NBAS: variants seen among roughly 807,000 people sequenced by gnomAD.
NBAS encodes the protein NBAS subunit of NRZ tethering complex, also known as NAG/BC035112 fusion.
In NBAS, 219 loss-of-function variants were observed where a neutral mutation model predicts 302.5. That is an observed-to-expected ratio of 0.72 (90% CI 0.65 to 0.81). The LOEUF (loss-of-function observed/expected upper bound fraction) is 0.81, where lower values mean the gene tolerates loss of function less well. Ranked by LOEUF, NBAS falls within the 30% of genes least tolerant of loss-of-function variation. NBAS has a pLI of 0.00. For synonymous variants in NBAS, 1,118 were observed against 1,021.6 expected (o/e 1.09, Z -1.80); for missense variants, 2,932 against 2,841.6 (o/e 1.03, Z -0.72).
the NBAS span, among the ~76,000 whole-genome samples, chr2:15,072,960 C>G: frequency 6.6e-6 from 1 of 151,958 alleles, no homozygotes; most frequent in African/African-American, 2.4e-5. Flanking sequence ...GAAACCCTGT[C>G]TCTACAAAAA....
chr2:14,801,963 T>A, the NBAS span, among the ~76,000 whole-genome samples: 6 of 145,528 alleles, frequency 4.1e-5, no homozygotes, highest in African/African-American at 1.5e-4. Context: ...TTTCTCCCAT[T>A]TTGTAGGTTG....
At chr2:15,560,246 A>T (rs960845731) in intron 1 of NBAS, among the ~76,000 whole-genome samples, 2 of 152,130 alleles carry the variant, frequency 1.3e-5, no homozygotes, top group African/African-American at 4.8e-5. Flanking sequence ...TGGATCCAAA[A>T]AATAATAATA....
chr2:15,209,699 AATC>A (rs1666317625), intron 48 of NBAS, among the ~76,000 whole-genome samples: 1 of 152,146 alleles, frequency 6.6e-6, no homozygotes, highest in African/African-American at 2.4e-5. Context: ...AAACTGGAGG[AATC>A]ATATTACCTG....
intron 35 of NBAS, among the ~76,000 whole-genome samples, chr2:15,349,688 T>C (rs1267623591): frequency 6.6e-6 from 1 of 152,152 alleles, no homozygotes; most frequent in East Asian, 1.9e-4. Context: ...ATGCAGTGGT[T>C]CACGCCTGTA....
the NBAS span, among the ~76,000 whole-genome samples, chr2:14,894,924 G>T: frequency 1.3e-5 from 2 of 152,100 alleles, no homozygotes; most frequent in Non-Finnish European, 2.9e-5. Context: ...TGGGCGTGGT[G>T]AAGCGCCTAT....
intron 10 of NBAS, among the ~76,000 whole-genome samples, chr2:15,509,456 G>T (rs1420067963): frequency 6.6e-6 from 1 of 152,112 alleles, no homozygotes. Context: ...ATACAAACTG[G>T]TTTAATGTCT....
chr2:15,478,692 T>C (rs1461410702), intron 12 of NBAS, among the ~76,000 whole-genome samples: 1 of 152,204 alleles, frequency 6.6e-6, no homozygotes, highest in Non-Finnish European at 1.5e-5. Context: ...TTTCAAAGCT[T>C]TGAGACTTGA....
At chr2:15,556,217 C>T (rs1023410693) in intron 3 of NBAS, among the ~76,000 whole-genome samples, 32 of 152,224 alleles carry the variant, frequency 2.1e-4, no homozygotes, top group Non-Finnish European at 1.5e-4. Context: ...ATATCCTCAA[C>T]GAAGAAGCAA....
chr2:15,254,905 T>G (rs552139607), intron 44 of NBAS, among the ~76,000 whole-genome samples: 221 of 140,482 alleles, frequency 1.6e-3, no homozygotes, highest in African/African-American at 2.7e-3. Flanking sequence ...TTCCATGGGG[T>G]GTGTGTGTGT....
intron 6 of NBAS, among the ~76,000 whole-genome samples, chr2:15,543,272 C>T (rs528655733): frequency 1.9e-4 from 29 of 152,184 alleles, no homozygotes; most frequent in Non-Finnish European, 3.4e-4. Flanking sequence ...ATTTTCTCTG[C>T]CTGGAACATT....
chr2:15,460,000 C>T (rs756038409), intron 21 of NBAS, among the ~76,000 whole-genome samples: 1 of 90,926 alleles, frequency 1.1e-5, no homozygotes. Flanking sequence ...TATTTGAAGA[C>T]CAGAAATAAG....
intron 49 of NBAS, among the ~76,000 whole-genome samples, chr2:15,187,753 GCA>G (rs770855829): frequency 6.6e-6 from 1 of 152,118 alleles, no homozygotes; most frequent in Non-Finnish European, 1.5e-5. Flanking sequence ...CATTAGCACA[GCA>G]CTACATTCTA....
chr2:14,874,463 T>TAAA, the NBAS span, among the ~76,000 whole-genome samples: 16 of 129,646 alleles, frequency 1.2e-4, 1 homozygote, highest in East Asian at 2.5e-3. Flanking sequence ...CGTCTCTACT[T>TAAA]AAAAAAAAAA....
the NBAS span, among the ~76,000 whole-genome samples, chr2:14,908,294 C>A: frequency 6.6e-6 from 1 of 152,148 alleles, no homozygotes; most frequent in East Asian, 1.9e-4. Flanking sequence ...ACCCGGGAGG[C>A]GGAGCTTGCA....
At chr2:15,054,535 A>G in the NBAS span, among the ~76,000 whole-genome samples, 6 of 152,354 alleles carry the variant, frequency 3.9e-5, no homozygotes, top group Non-Finnish European at 8.8e-5. Context: ...TAACTTGTGT[A>G]TGCAGAATAA....
At chr2:14,984,864 G>T in the NBAS span, among the ~76,000 whole-genome samples, 1 of 152,196 alleles carries the variant, frequency 6.6e-6, no homozygotes, top group African/African-American at 2.4e-5. Context: ...GTGGGGACCT[G>T]AAAGCCCCAG....
At chr2:15,245,644 T>TGGATGGACGGAC (rs1553351366) in intron 44 of NBAS, among the ~76,000 whole-genome samples, 4 of 149,104 alleles carry the variant, frequency 2.7e-5, no homozygotes, top group African/African-American at 1.0e-4. Context: ...GATGGATGGA[T>TGGATGGACGGAC]GGACGGACGG....
At chr2:15,518,663 A>G (rs1040716999) in intron 9 of NBAS, among the ~76,000 whole-genome samples, 5 of 152,192 alleles carry the variant, frequency 3.3e-5, no homozygotes, top group Admixed American at 6.6e-5. Flanking sequence ...ATATTACCCA[A>G]TAATCTTTGT....
At chr2:15,285,446 A>G (rs532802087) in intron 42 of NBAS, among the ~76,000 whole-genome samples, 8 of 152,098 alleles carry the variant, frequency 5.3e-5, no homozygotes, top group African/African-American at 9.7e-5. Flanking sequence ...GAAGACTTCA[A>G]GCACTGCCTC....
Sources: allele counts gnomAD v4.1 joint callset (sites outside exome capture counted in the v4.1 genomes callset), GRCh38; gene constraint gnomAD v4.1.1; transcripts MANE v1.5; gene names NCBI Gene and HGNC (gene_info 2026-07-23, HGNC 2026-07-21).